MBD5: variants seen among roughly 807,000 people sequenced by gnomAD.
MBD5 encodes the protein methyl-CpG binding domain protein 5.
Under a neutral mutation model 117.3 loss-of-function variants are expected in MBD5, and 13 were observed. That is an observed-to-expected ratio of 0.11 (90% confidence interval 0.07 to 0.18). The LOEUF is 0.18. Among genes scored for constraint, MBD5 ranks in the 10% least tolerant of loss-of-function variants. The pLI, the probability that MBD5 is intolerant of heterozygous loss-of-function variation, is 1.00. For missense variants in MBD5, 1,879 were observed against 2,093.8 expected, an observed-to-expected ratio of 0.90 and a Z score of 2.00; for synonymous variants, 727 against 766.4, an observed-to-expected ratio of 0.95 and a Z score of 0.85.
At chr2:148,349,132 TA>T (rs1012046847) in intron 4 of MBD5, among the ~76,000 whole-genome samples, 2 of 151,662 alleles carry the variant, frequency 1.3e-5, no homozygotes, top group Admixed American at 6.6e-5. Context: ...TTTCAAAGGG[TA>T]AAAAAAAGGT....
chr2:148,328,475 G>A (rs1274230544), intron 3 of MBD5, among the ~76,000 whole-genome samples: 3 of 152,232 alleles, frequency 2.0e-5, no homozygotes, highest in Non-Finnish European at 4.4e-5. Context: ...TCAGACTGCT[G>A]TGCTAGCAAT....
chr2:148,325,788 T>A (rs1462299183), intron 3 of MBD5, among the ~76,000 whole-genome samples: 1 of 152,150 alleles, frequency 6.6e-6, no homozygotes, highest in Admixed American at 6.5e-5. Flanking sequence ...AAAAACCAGC[T>A]CCTGGATTCG....
chr2:148,475,934 C>A (rs1680949151), intron 8 of MBD5, among the ~76,000 whole-genome samples: 1 of 152,106 alleles, frequency 6.6e-6, no homozygotes, highest in Non-Finnish European at 1.5e-5. Flanking sequence ...GCCAGCCAAG[C>A]CAAGAGTAAA....
chr2:148,347,914 A>G (rs965930488), intron 4 of MBD5, among the ~76,000 whole-genome samples: 9 of 152,046 alleles, frequency 5.9e-5, no homozygotes, highest in African/African-American at 2.2e-4. Context: ...CACTTTTACT[A>G]GTAGAATCCT....
intron 1 of MBD5, among the ~76,000 whole-genome samples, chr2:148,148,204 G>A (rs1274079778): frequency 6.6e-6 from 1 of 152,170 alleles, no homozygotes; most frequent in Non-Finnish European, 1.5e-5. Context: ...TTAGTGAGCT[G>A]CCAGATAGGT....
intron 3 of MBD5, among the ~76,000 whole-genome samples, chr2:148,260,891 C>A (rs1700715952): frequency 6.6e-6 from 1 of 152,162 alleles, no homozygotes; most frequent in African/African-American, 2.4e-5. Context: ...CCGTGGGCTA[C>A]AGAATAGCTA....
chr2:148,233,635 C>A (rs1340912915), intron 3 of MBD5, among the ~76,000 whole-genome samples: 1 of 152,028 alleles, frequency 6.6e-6, no homozygotes, highest in East Asian at 1.9e-4. Context: ...TATCTTAAAT[C>A]CTGAAATACA....
chr2:148,489,663 C>T lies in MBD5; in HGVS notation c.4031C>T (p.Thr1344Ile). The change falls in exon 11 of 14, where the codon ACA becomes ATA. Residue 1344 changes from threonine to isoleucine, a missense_variant. By Grantham distance (89) the Thr-to-Ile change is moderately conservative. Around this residue, in one of 4 missense-constraint regions of MBD5, gnomAD observed 1,666 missense variants for 1,792.2 expected, o/e 0.93. Transcript: ENST00000642680. ...QVVITTAVNS[T>I]TQISPIPALS... is the part of the protein sequence containing the mutation. ...GTCATCACCACTGCAGTCAACAGTACAACTCAGATCAGCCCCATTCCAGCT... is the reference window on the plus strand; with the variant it reads ...GTCATCACCACTGCAGTCAACAGTATAACTCAGATCAGCCCCATTCCAGCT... 3 of 1,614,182 alleles carry T rather than the reference C, an allele frequency of 1.9e-6. No homozygotes were observed. Among genetic ancestry groups the T allele is most frequent in the Non-Finnish European group, 2.5e-6 (3 of 1,180,026 alleles).
intron 2 of MBD5, among the ~76,000 whole-genome samples, chr2:148,210,961 T>C (rs1253398746): frequency 6.6e-6 from 1 of 152,162 alleles, no homozygotes; most frequent in Non-Finnish European, 1.5e-5. Context: ...GTGTAGACTT[T>C]CCCAATCTGC....
At chr2:148,271,256 G>A (rs1389420039) in intron 3 of MBD5, among the ~76,000 whole-genome samples, 1 of 152,094 alleles carries the variant, frequency 6.6e-6, no homozygotes, top group Non-Finnish European at 1.5e-5. Context: ...AATTTTTGGA[G>A]TTCAGTGATG....
intron 4 of MBD5, among the ~76,000 whole-genome samples, chr2:148,398,733 T>A (rs1237469561): frequency 2.0e-5 from 3 of 152,240 alleles, no homozygotes; most frequent in Admixed American, 2.0e-4. Flanking sequence ...TGCCCATGTC[T>A]ATGTCCTGAA....
intron 1 of MBD5, among the ~76,000 whole-genome samples, chr2:148,087,821 C>A (rs190093114): frequency 2.6e-5 from 4 of 152,186 alleles, no homozygotes; most frequent in Admixed American, 2.6e-4. Flanking sequence ...TGTAACACCC[C>A]CAAAGACCAC....
intron 2 of MBD5, among the ~76,000 whole-genome samples, chr2:148,185,910 A>AATTG (rs35859828): frequency 0.012 from 1,865 of 152,204 alleles, 44 homozygotes; most frequent in African/African-American, 0.042. Flanking sequence ...GTAATTATTG[A>AATTG]ATTGATGGGT....
Position 148,212,235 on chromosome 2 carries a change from C to T in MBD5, c.-830-21010C>T, listed in dbSNP as rs1453800287. On this transcript the variant is annotated intron_variant, in intron 2 of 13. Transcript: ENST00000642680. ...AGAAACCCTGTATCCATTTCCTACT[C>T]TATTTCCCTCAACTCCTAGTCCTGG... 4.6e-5 allele frequency among the ~76,000 whole-genome samples: 7 copies of T among 152,202 alleles called. No individual in the cohort carries two copies. The East Asian group carries it at 7.7e-4, about 17-fold the overall frequency.
chr2:148,446,449 C>G (rs1706528767), intron 4 of MBD5, among the ~76,000 whole-genome samples: 1 of 151,946 alleles, frequency 6.6e-6, no homozygotes, highest in South Asian at 2.1e-4. Flanking sequence ...AAGGGAAGAC[C>G]TCAATGGTGA....
intron 4 of MBD5, among the ~76,000 whole-genome samples, chr2:148,424,840 A>C (rs1382792125): frequency 6.6e-6 from 1 of 152,218 alleles, no homozygotes; most frequent in African/African-American, 2.4e-5. Context: ...AACCAATGGG[A>C]ACAAAGACAC....
chr2:148,259,641 ACT>A (rs1558994952), intron 3 of MBD5, among the ~76,000 whole-genome samples: 1 of 151,908 alleles, frequency 6.6e-6, no homozygotes, highest in South Asian at 2.1e-4. Context: ...ACATGGCTTT[ACT>A]CTCTCTCTGG....
intron 3 of MBD5, among the ~76,000 whole-genome samples, chr2:148,255,911 T>G (rs1292472044): frequency 6.6e-6 from 1 of 152,262 alleles, no homozygotes; most frequent in Non-Finnish European, 1.5e-5. Context: ...AAATGTGTTC[T>G]CCTCTCAGTC....
rs1038674165 is a variant in MBD5 at position 148,442,933 on chromosome 2, A to T, written c.-556-15270A>T. On this transcript the variant is annotated intron_variant, in intron 4 of 13. Coordinates refer to ENST00000642680, the MANE Select transcript of MBD5 (RefSeq NM_001378120.1). ...TTGAAAAGCTTCTGTACAACCAAGAAAACAATCAACAAAGTGAAGAGACAA... is the reference window on the plus strand; with the variant it reads ...TTGAAAAGCTTCTGTACAACCAAGATAACAATCAACAAAGTGAAGAGACAA... Among the ~76,000 whole-genome samples, 25 of 151,524 alleles carry T rather than the reference A, an allele frequency of 1.6e-4. 1 individual carries two copies. The highest frequency in any genetic ancestry group is 5.9e-4 in the African/African-American group (24 of 40,824).
Sources: gnomAD v4.1 joint callset for allele counts (sites outside exome capture counted in the v4.1 genomes callset) on GRCh38, gnomAD v4.1.1 for gene constraint, gnomAD v4.1.1 regional missense constraint, MANE v1.5 for transcripts, NCBI Gene and HGNC (gene_info 2026-07-23, HGNC 2026-07-21) for gene names.